CSMD1: variants seen among roughly 807,000 people sequenced by gnomAD.
CSMD1 encodes the protein CUB and Sushi multiple domains 1, also known as CUB and sushi domain-containing protein 1.
A neutral mutation model predicts 417.5 loss-of-function variants in CSMD1; 213 were observed. The ratio of observed to expected loss-of-function variants is 0.51; its 90% CI spans 0.46 to 0.57. The LOEUF is 0.57. Ranked by LOEUF, CSMD1 falls within the 20% of genes least tolerant of loss-of-function variation. CSMD1 has a pLI of 0.00. For synonymous variants in CSMD1, 2,862 were observed against 1,736.8 expected, an observed-to-expected ratio of 1.65 and a Z score of -16.11; for missense variants, 6,923 against 4,529.7, an observed-to-expected ratio of 1.53 and a Z score of -15.17.
At chr8:4,400,250 T>C (rs967546942) in intron 3 of CSMD1, among the ~76,000 whole-genome samples, 1 of 152,228 alleles carries the variant, frequency 6.6e-6, no homozygotes, top group Non-Finnish European at 1.5e-5. Flanking sequence ...GAAGAAGTTC[T>C]GGCTCTCTGG....
intron 3 of CSMD1, among the ~76,000 whole-genome samples, chr8:4,054,730 G>C (rs923752635): frequency 2.0e-5 from 3 of 152,040 alleles, no homozygotes; most frequent in African/African-American, 4.8e-5. Context: ...TAAACATTTG[G>C]ACATTTTGTG....
At chr8:4,633,135 A>T (rs1008414924) in intron 2 of CSMD1, among the ~76,000 whole-genome samples, 1 of 152,170 alleles carries the variant, frequency 6.6e-6, no homozygotes, top group Non-Finnish European at 1.5e-5. Flanking sequence ...GCATTGGTCT[A>T]TGTGAACGCT....
At position 3,126,962 on chromosome 8, in the gene CSMD1, G is replaced by A. The variant is rs543145086; in HGVS notation, c.6242-8375C>T. On this transcript the variant is annotated intron_variant, in intron 41 of 69. Transcript: ENST00000635120. ...GGGTCTACTGATGCACGCTGAGAAC[G>A]TCAGCTTTTGGTTCAGAGGAATGGA... 5.3e-5 allele frequency among the ~76,000 whole-genome samples: 8 copies of A among 152,292 alleles called. No individual in the cohort carries two copies. In the South Asian group the frequency reaches 6.2e-4, roughly 12 times the overall value.
chr8:4,408,670 C>A (rs1420237706), intron 3 of CSMD1, among the ~76,000 whole-genome samples: 1 of 152,122 alleles, frequency 6.6e-6, no homozygotes, highest in African/African-American at 2.4e-5. Context: ...ATCAATAGTT[C>A]ATTTTCTTGA....
intron 3 of CSMD1, among the ~76,000 whole-genome samples, chr8:4,098,848 T>C (rs1801157808): frequency 6.6e-6 from 1 of 152,178 alleles, no homozygotes; most frequent in Non-Finnish European, 1.5e-5. Flanking sequence ...GCCATAAATC[T>C]TGCTCACTCA....
intron 69 of CSMD1, among the ~76,000 whole-genome samples, chr8:2,941,942 T>C (rs915483857): frequency 4.6e-5 from 7 of 152,192 alleles, no homozygotes; most frequent in African/African-American, 1.4e-4. Flanking sequence ...CATCTTTCAA[T>C]TGAACATGAA....
At chr8:4,768,228 G>A (rs755260782) in intron 1 of CSMD1, among the ~76,000 whole-genome samples, 3 of 152,082 alleles carry the variant, frequency 2.0e-5, no homozygotes, top group Non-Finnish European at 4.4e-5. Context: ...CTTCCCATGA[G>A]TGCTGCTCTG....
At chr8:3,555,100 G>T (rs542526686) in intron 10 of CSMD1, among the ~76,000 whole-genome samples, 1 of 152,040 alleles carries the variant, frequency 6.6e-6, no homozygotes, top group African/African-American at 2.4e-5. Flanking sequence ...CGTAGGACCC[G>T]TGACAGGCAA....
intron 3 of CSMD1, among the ~76,000 whole-genome samples, chr8:4,404,509 G>A (rs1270361704): frequency 2.0e-5 from 3 of 151,966 alleles, no homozygotes; most frequent in African/African-American, 7.2e-5. Context: ...ATGAGCAGTG[G>A]GGGGCAAAAA....
At chr8:3,652,578 G>C (rs977832022) in intron 7 of CSMD1, among the ~76,000 whole-genome samples, 5 of 152,202 alleles carry the variant, frequency 3.3e-5, no homozygotes, top group Non-Finnish European at 5.9e-5. Flanking sequence ...GAGAAGCAAA[G>C]GCATGTCGTA....
intron 3 of CSMD1, among the ~76,000 whole-genome samples, chr8:4,393,458 A>G (rs184127054): frequency 1.2e-3 from 187 of 152,320 alleles, no homozygotes; most frequent in African/African-American, 3.6e-3. Context: ...TGAATATCAC[A>G]TGCATGATTA....
At chr8:3,281,078 C>T (rs1018144980) in intron 26 of CSMD1, among the ~76,000 whole-genome samples, 1 of 152,148 alleles carries the variant, frequency 6.6e-6, no homozygotes, top group Non-Finnish European at 1.5e-5. Context: ...AACCTGCACA[C>T]AGATGTTTAG....
chr8:3,838,685 T>C (rs1349031098), intron 5 of CSMD1, among the ~76,000 whole-genome samples: 1 of 75,674 alleles, frequency 1.3e-5, no homozygotes, highest in Non-Finnish European at 2.1e-5. Context: ...TTATATAGTA[T>C]AATATATAAT....
rs376028717 is a variant in CSMD1, at chr8:3,665,324, G to C, written c.1009+43090C>G. Among the ~76,000 whole-genome samples the C allele has an allele frequency of 7.9e-5, 12 of 152,300 alleles. No homozygotes were observed. In the East Asian group the frequency reaches 1.7e-3, roughly 22 times the overall value. On this transcript the variant is annotated intron_variant, in intron 7 of 69. Transcript: ENST00000635120. ...GTGGGCGGATGGCCTGAGGTCAGGA[G>C]TTCGAGACCAGCCTGGCCCATACGG... is the stretch of plus-strand genomic sequence containing the variant.
At chr8:4,573,634 G>C (rs539208232) in intron 2 of CSMD1, among the ~76,000 whole-genome samples, 2 of 152,246 alleles carry the variant, frequency 1.3e-5, no homozygotes, top group South Asian at 2.1e-4. Flanking sequence ...CTTTCCCTTA[G>C]CAGAGCTTGA....
chr8:4,344,283 T>C (rs373095669), intron 3 of CSMD1, among the ~76,000 whole-genome samples: 54 of 152,262 alleles, frequency 3.5e-4, no homozygotes, highest in South Asian at 1.2e-3. Context: ...GTTCATTCTG[T>C]CATGTGTCTA....
chr8:4,671,577 T>G (rs1268791859), intron 1 of CSMD1, among the ~76,000 whole-genome samples: 1 of 152,202 alleles, frequency 6.6e-6, no homozygotes, highest in Non-Finnish European at 1.5e-5. Flanking sequence ...ACCAGACACT[T>G]TGAATAGTCT....
chr8:3,514,274 G>A (rs1213231622), intron 10 of CSMD1, among the ~76,000 whole-genome samples: 1 of 152,124 alleles, frequency 6.6e-6, no homozygotes, highest in Non-Finnish European at 1.5e-5. Flanking sequence ...ATTATAAATG[G>A]TGCAACATAG....
At chr8:3,340,098 G>A (rs1414298097) in intron 23 of CSMD1, among the ~76,000 whole-genome samples, 1 of 152,130 alleles carries the variant, frequency 6.6e-6, no homozygotes, top group African/African-American at 2.4e-5. Flanking sequence ...TATACTTGAT[G>A]CCTGCCAAAT....
Sources: allele counts gnomAD v4.1 joint callset (sites outside exome capture counted in the v4.1 genomes callset), GRCh38; gene constraint gnomAD v4.1.1; transcripts MANE v1.5; gene names NCBI Gene and HGNC (gene_info 2026-07-23, HGNC 2026-07-21).